DRD2: variants seen among roughly 807,000 people sequenced by gnomAD.
The protein encoded by DRD2 is dopamine receptor D2, also known as D(2) dopamine receptor.
DRD2 carries 8 observed loss-of-function variants against 38.0 expected under a neutral mutation model. That is an observed-to-expected ratio of 0.21 (90% CI 0.12 to 0.38). The LOEUF (loss-of-function observed/expected upper bound fraction) is 0.38. DRD2 is among the 10% of genes least tolerant of loss of function. DRD2 has a pLI of 1.00. For synonymous variants in DRD2, 230 were observed against 238.6 expected (o/e 0.96, Z 0.33); for missense variants, 403 against 607.7 (o/e 0.66, Z 3.54).
At chr11:113,411,947 A>C (rs1079595) in intron 7 of DRD2, 25,220 of 153,308 alleles carry the variant, frequency 0.16, 2,553 homozygotes, top group East Asian at 0.4. Context: ...CTTCTATTGA[A>C]AAATCCTGCT....
intron 1 of DRD2, among the ~76,000 whole-genome samples, chr11:113,443,414 A>AT (rs1374693116): frequency 6.6e-6 from 1 of 152,200 alleles, no homozygotes; most frequent in East Asian, 1.9e-4. Context: ...TATCCAGCGC[A>AT]TTTTAGCACA....
chr11:113,452,469 T>TGCGCGCGCGCGCGC (rs150781651), intron 1 of DRD2, among the ~76,000 whole-genome samples: 2 of 118,784 alleles, frequency 1.7e-5, no homozygotes, highest in Non-Finnish European at 3.4e-5. Flanking sequence ...TGTGTGTGTG[T>TGCGCGCGCGCGCGC]GCGCGCGCGC....
Position 113,412,813 on chromosome 11 carries a change from C to A in DRD2, c.881G>T (p.Arg294Leu). ...LSSTSPPERTRYSPIPPSHHQ... is the reference protein window; with the variant it reads ...LSSTSPPERTLYSPIPPSHHQ... ...GTGGCTGGGTGGGATGGGGCTGTAC[C>A]GGGTCCTCTCGGGTGGGCTGGTGCT... The change falls in exon 7 of 8, where the codon CGG (arginine) becomes CTG (leucine). Residue 294 changes from arginine (R) to leucine (L), a missense_variant. Physicochemically the swap from Arg to Leu is moderately radical, Grantham distance 102 (BLOSUM62 -2). Transcript: ENST00000362072. The A allele has an allele frequency of 6.2e-7, 1 of 1,613,298 alleles. No individual in the cohort carries two copies. The highest frequency in any genetic ancestry group is 1.1e-5 in the South Asian group (1 of 91,020).
intron 1 of DRD2, among the ~76,000 whole-genome samples, chr11:113,428,381 C>T (rs1294861614): frequency 6.6e-6 from 1 of 152,198 alleles, no homozygotes; most frequent in Non-Finnish European, 1.5e-5. Flanking sequence ...GTCACAGCTT[C>T]TGGCTGTCCC....
chr11:113,467,505 C>G (rs891697416), intron 1 of DRD2, among the ~76,000 whole-genome samples: 2 of 152,222 alleles, frequency 1.3e-5, no homozygotes, highest in African/African-American at 2.4e-5. Flanking sequence ...TTTCTGCCAG[C>G]TTTGGGGGTC....
At chr11:113,443,073 G>T (rs1167334517) in intron 1 of DRD2, among the ~76,000 whole-genome samples, 1 of 152,060 alleles carries the variant, frequency 6.6e-6, no homozygotes, top group Non-Finnish European at 1.5e-5. Flanking sequence ...AGCTGCTACT[G>T]GTCCTTTCAA....
At chr11:113,427,617 C>T (rs2471857) in intron 1 of DRD2, among the ~76,000 whole-genome samples, 28,259 of 152,064 alleles carry the variant, frequency 0.19, 3,036 homozygotes, top group East Asian at 0.42. Context: ...GAATCAAAGG[C>T]TCTGTTAGTG....
At chr11:113,462,854 C>A (rs1198384867) in intron 1 of DRD2, among the ~76,000 whole-genome samples, 2 of 152,250 alleles carry the variant, frequency 1.3e-5, no homozygotes, top group Non-Finnish European at 2.9e-5. Flanking sequence ...TATTGGCATC[C>A]TACTACTTCC....
At chr11:113,435,926 A>G (rs1167541879) in intron 1 of DRD2, among the ~76,000 whole-genome samples, 1 of 152,212 alleles carries the variant, frequency 6.6e-6, no homozygotes, top group Non-Finnish European at 1.5e-5. Context: ...AATCCTGCCT[A>G]TTTGGCAGAA....
In DRD2 at chr11:113,416,863, C is replaced by T; in HGVS notation, c.532G>A (p.Asp178Asn). ...TCAGGCAAACAAAAGCAGAATGTAC[C>T]TGCGTTATTGAGTCCGAAGAGGAGT... ...CPLLFGLNNA[D>N]QNECIIANPA... The change falls in exon 4 of 8, where the codon GAC becomes AAC. Residue 178 changes from aspartate (D) to asparagine (N), a missense_variant and splice_region_variant. Asp to Asn is a conservative substitution (Grantham distance 23, BLOSUM62 1). Around this residue, in one of 4 missense-constraint regions of DRD2, gnomAD observed 162 missense variants for 254.5 expected, o/e 0.64. Transcript: ENST00000362072. 6.2e-7 allele frequency: 1 copy of T among 1,613,836 alleles called. No homozygotes were observed. The highest frequency in any genetic ancestry group is 8.5e-7 in the Non-Finnish European group (1 of 1,179,868).
chr11:113,429,297 T>C (rs1204133315), intron 1 of DRD2, among the ~76,000 whole-genome samples: 1 of 151,990 alleles, frequency 6.6e-6, no homozygotes, highest in Non-Finnish European at 1.5e-5. Context: ...CGGGCTGGAG[T>C]GCAGTGGGGC....
intron 1 of DRD2, among the ~76,000 whole-genome samples, chr11:113,461,954 C>T (rs751545710): frequency 6.6e-6 from 1 of 152,196 alleles, no homozygotes. Flanking sequence ...CATGGGCCTT[C>T]CCTTGCTGGA....
At chr11:113,471,867 C>G (rs1362467753) in intron 1 of DRD2, among the ~76,000 whole-genome samples, 1 of 152,216 alleles carries the variant, frequency 6.6e-6, no homozygotes, top group Non-Finnish European at 1.5e-5. Flanking sequence ...CAGGAAAATG[C>G]AAATGACTGG....
chr11:113,464,115 A>C (rs1046279531), intron 1 of DRD2, among the ~76,000 whole-genome samples: 2 of 152,050 alleles, frequency 1.3e-5, no homozygotes, highest in Non-Finnish European at 2.9e-5. Flanking sequence ...CCCACTTGCC[A>C]CCCTGTCTTC....
intron 1 of DRD2, among the ~76,000 whole-genome samples, chr11:113,441,617 CA>C (rs1350373598): frequency 2.6e-5 from 4 of 152,158 alleles, no homozygotes; most frequent in Non-Finnish European, 4.4e-5. Context: ...CCCCTTTATA[CA>C]AGGCACACAC....
In DRD2 at chr11:113,424,674, G is replaced by A; in HGVS notation, c.-23C>T. 6.2e-7 allele frequency: 1 copy of A among 1,613,684 alleles called. No homozygotes were observed. The highest frequency in any genetic ancestry group is 8.5e-7 in the Non-Finnish European group (1 of 1,180,032). On this transcript the variant is annotated 5_prime_UTR_variant, in exon 2 of 8. Transcript: ENST00000362072. ...CATCAGGGCGGTGGAGCCACTGGGT[G>A]GCCAGGCTCTGGCCAGGAAAAATGG...
In DRD2 at chr11:113,416,007, C is replaced by T. The variant is rs576986831; in HGVS notation, c.533-396G>A. ...CCTGTGTATTGGGAGAGGTTGGCCACCTTTTAATGTTTGCAGCAAGATAAC... is the reference window on the plus strand; with the variant it reads ...CCTGTGTATTGGGAGAGGTTGGCCATCTTTTAATGTTTGCAGCAAGATAAC... On this transcript the variant is annotated intron_variant, in intron 4 of 7. Transcript: ENST00000362072. Among the ~76,000 whole-genome samples, 9 of 152,302 alleles carry T rather than the reference C, an allele frequency of 5.9e-5. No homozygotes were observed. The East Asian group carries it at 1.7e-3, about 29-fold the overall frequency.
At chr11:113,446,149 G>C (rs973047094) in intron 1 of DRD2, among the ~76,000 whole-genome samples, 1 of 152,098 alleles carries the variant, frequency 6.6e-6, no homozygotes, top group African/African-American at 2.4e-5. Context: ...GTACATGGAG[G>C]GTCTTCAGCT....
At chr11:113,432,320 CTCTCT>C (rs1565667524) in intron 1 of DRD2, among the ~76,000 whole-genome samples, 6 of 151,534 alleles carry the variant, frequency 4.0e-5, no homozygotes, top group South Asian at 2.1e-4. Context: ...CTCTCTCTCT[CTCTCT>C]CCCTCCCTCT....
Sources: allele counts gnomAD v4.1 joint callset (sites outside exome capture counted in the v4.1 genomes callset), GRCh38; gene constraint gnomAD v4.1.1; regional missense constraint gnomAD v4.1.1; transcripts MANE v1.5; gene names NCBI Gene and HGNC (gene_info 2026-07-23, HGNC 2026-07-21).